DKK4: variants seen among roughly 807,000 people sequenced by gnomAD.
DKK4 encodes dickkopf Wnt signaling pathway inhibitor 4.
Under a neutral mutation model 14.5 loss-of-function variants are expected in DKK4, and 15 were observed. The ratio of observed to expected loss-of-function variants is 1.03; its 90% CI spans 0.69 to 1.59. The LOEUF (loss-of-function observed/expected upper bound fraction) is 1.59. Ranked by LOEUF, DKK4 falls within the 40% of genes most tolerant of loss-of-function variation. The pLI is 0.00. For synonymous variants in DKK4, 89 were observed against 105.2 expected, an observed-to-expected ratio of 0.85 and a Z score of 0.94; for missense variants, 272 against 280.3, an observed-to-expected ratio of 0.97 and a Z score of 0.21.
chr8:42,381,612 C>T (rs899663695), upstream of DKK4, among the ~76,000 whole-genome samples: 2 of 152,186 alleles, frequency 1.3e-5, no homozygotes, highest in African/African-American at 4.8e-5. Context: ...GGCCTCCTCT[C>T]CCCTGTCTGC....
the DKK4 span, among the ~76,000 whole-genome samples, chr8:42,390,018 C>T: frequency 9.3e-4 from 142 of 151,954 alleles, no homozygotes; most frequent in African/African-American, 3.4e-3. Flanking sequence ...TCAGCCTCCC[C>T]AGTAGCTGGG....
At chr8:42,377,846 G>C (rs561757618), upstream of DKK4, among the ~76,000 whole-genome samples, 3 of 152,182 alleles carry the variant, frequency 2.0e-5, no homozygotes, top group Non-Finnish European at 1.5e-5. Flanking sequence ...TTTGAAGTTA[G>C]GGTTATTAGG....
At chr8:42,378,943 CAAAAAAA>C (rs1166439885), upstream of DKK4, among the ~76,000 whole-genome samples, 4 of 49,460 alleles carry the variant, frequency 8.1e-5, no homozygotes, top group East Asian at 1.3e-3. Context: ...CCTGTCTCCA[CAAAAAAA>C]AAAAAAAAAA....
At chr8:42,378,367 A>G (rs1824600635), upstream of DKK4, among the ~76,000 whole-genome samples, 1 of 152,202 alleles carries the variant, frequency 6.6e-6, no homozygotes, top group Admixed American at 6.5e-5. Flanking sequence ...GCATGGGAAC[A>G]TTCTCAATTT....
upstream of DKK4, among the ~76,000 whole-genome samples, chr8:42,379,060 G>A (rs1438211000): frequency 6.6e-6 from 1 of 151,156 alleles, no homozygotes; most frequent in East Asian, 1.9e-4. Context: ...AGACCAGCCT[G>A]GCCAATATGG....
At chr8:42,384,165 A>G in the DKK4 span, among the ~76,000 whole-genome samples, 1 of 151,896 alleles carries the variant, frequency 6.6e-6, no homozygotes, top group African/African-American at 2.4e-5. Flanking sequence ...CTCATTCTTC[A>G]ATTCTTTATT....
the DKK4 span, among the ~76,000 whole-genome samples, chr8:42,389,993 GT>G: frequency 0.22 from 33,035 of 151,712 alleles, 7,133 homozygotes; most frequent in African/African-American, 0.56. Context: ...CGGGGTTCAA[GT>G]TGATTCTCCT....
the DKK4 span, among the ~76,000 whole-genome samples, chr8:42,389,019 A>T: frequency 6.6e-6 from 1 of 152,186 alleles, no homozygotes; most frequent in Non-Finnish European, 1.5e-5. Context: ...CACAGCTCAC[A>T]GCAGCCTTGA....
rs1170280117 is a variant in DKK4, at chr8:42,377,206, C to T, written c.-161G>A. On this transcript the variant is annotated 5_prime_UTR_variant, in exon 1 of 4. Transcript: ENST00000220812. ...AGTAAACCTTAGTCTGAGTAAGGTGCGTGAAATCGGCTGAGCAAAGTCTGA... is the reference window on the plus strand; with the variant it reads ...AGTAAACCTTAGTCTGAGTAAGGTGTGTGAAATCGGCTGAGCAAAGTCTGA... 8 of 599,272 alleles carry T rather than the reference C, an allele frequency of 1.3e-5. No individual in the cohort carries two copies. Among genetic ancestry groups the T allele is most frequent in the African/African-American group, 3.7e-5 (2 of 53,944 alleles). 37.1% of individuals were successfully genotyped at this position (599,272 alleles called of 1,614,324 possible).
chr8:42,374,108 T>C lies in DKK4; in HGVS notation c.667A>G (p.Lys223Glu). Residue 223 changes from lysine to glutamate, a missense_variant, in exon 4 of 4, where the codon AAG becomes GAG. Physicochemically the swap from Lys to Glu is moderately conservative, Grantham distance 56 (BLOSUM62 1). Transcript: ENST00000220812. ...TCTTTATTTTGAAATATTTATAGCTTTTCTATTTTTTGGCATACTCTTAAT... is the reference window on the plus strand; with the variant it reads ...TCTTTATTTTGAAATATTTATAGCTCTTCTATTTTTTGGCATACTCTTAAT... Reference protein sequence around the residue: ...ARLRVCQKIEKL With the variant: ...ARLRVCQKIEEL The C allele has an allele frequency of 6.2e-7, 1 of 1,611,114 alleles. No homozygotes were observed. Among genetic ancestry groups the C allele is most frequent in the Non-Finnish European group, 8.5e-7 (1 of 1,179,734 alleles).
At chr8:42,375,558 A>G (rs1300910066) in intron 2 of DKK4, 122 bp downstream of exon 2, 1 of 1,269,758 alleles carries the variant, frequency 7.9e-7, no homozygotes, top group Non-Finnish European at 1.1e-6. Flanking sequence ...AGCTGCATAC[A>G]TTTACTTCAA....
chr8:42,379,112 G>A (rs1037312407), upstream of DKK4, among the ~76,000 whole-genome samples: 7 of 150,462 alleles, frequency 4.7e-5, no homozygotes, highest in Non-Finnish European at 8.9e-5. Flanking sequence ...CTAGTCGGGC[G>A]TGGTGGTGGT....
At chr8:42,381,727 G>C (rs1407867255), upstream of DKK4, among the ~76,000 whole-genome samples, 1 of 152,216 alleles carries the variant, frequency 6.6e-6, no homozygotes, top group Non-Finnish European at 1.5e-5. Flanking sequence ...GCCAGGCGCG[G>C]TGGCTCACGC....
At chr8:42,379,192 AGTGAGCCAACACG>A, upstream of DKK4, among the ~76,000 whole-genome samples, 2 of 149,092 alleles carry the variant, frequency 1.3e-5, no homozygotes, top group East Asian at 3.9e-4. Flanking sequence ...CCGAGGTTGC[AGTGAGCCAACACG>A]GTGCCACTGC....
In DKK4 at chr8:42,374,238, T is replaced by G. The variant is rs148982158; in HGVS notation, c.537A>C (p.Arg179Ser). 6.4e-5 allele frequency: 103 copies of G among 1,612,048 alleles called. No homozygotes were observed. In the African/African-American group the frequency reaches 1.2e-3, roughly 18 times the overall value. ...VLLEGQVCSR[R>S]GHKDTAQAPE... ...GAGCTTGAGCAGTGTCTTTATGCCCTCTTCTGGAGCAGACCTGTCCCTCCA... is the reference window on the plus strand; with the variant it reads ...GAGCTTGAGCAGTGTCTTTATGCCCGCTTCTGGAGCAGACCTGTCCCTCCA... The change falls in exon 4 of 4, where the codon AGA (arginine) becomes AGC (serine). Residue 179 changes from arginine (R) to serine (S), a missense_variant. Arg to Ser is a moderately radical substitution (Grantham distance 110). Coordinates refer to ENST00000220812, the MANE Select transcript of DKK4 (RefSeq NM_014420.3).
At chr8:42,378,122 A>T (rs1275807550), upstream of DKK4, among the ~76,000 whole-genome samples, 1 of 152,030 alleles carries the variant, frequency 6.6e-6, no homozygotes, top group African/African-American at 2.4e-5. Flanking sequence ...TTCCATTTGG[A>T]CTATTAGTCA....
At chr8:42,387,493 G>A in the DKK4 span, among the ~76,000 whole-genome samples, 1 of 151,804 alleles carries the variant, frequency 6.6e-6, no homozygotes. Flanking sequence ...GAGTAGCTGG[G>A]ATTACAGGTG....
intron 2 of DKK4, 63 bp downstream of exon 2, chr8:42,375,617 T>C: frequency 6.3e-7 from 1 of 1,588,670 alleles, no homozygotes; most frequent in Non-Finnish European, 8.6e-7. Context: ...TGGAATATTC[T>C]AGTCTATGGG....
At chr8:42,383,885 G>C in the DKK4 span, among the ~76,000 whole-genome samples, 2 of 152,154 alleles carry the variant, frequency 1.3e-5, no homozygotes, top group African/African-American at 4.8e-5. Context: ...AGAGGTTGCC[G>C]TGAGCCAAGA....
Sources: allele counts gnomAD v4.1 joint callset (sites outside exome capture counted in the v4.1 genomes callset), GRCh38; gene constraint gnomAD v4.1.1; transcripts MANE v1.5; gene names NCBI Gene and HGNC (gene_info 2026-07-23, HGNC 2026-07-21).